INSYN2B: variants seen among roughly 807,000 people sequenced by gnomAD.
INSYN2B encodes the protein inhibitory synaptic factor family member 2B.
Under a neutral mutation model 41.2 loss-of-function variants are expected in INSYN2B, and 16 were observed. The observed-to-expected ratio is 0.39, with a 90% CI of 0.26 to 0.59. The LOEUF (loss-of-function observed/expected upper bound fraction) is 0.59. INSYN2B is among the 20% of genes least tolerant of loss of function. The pLI is 0.57. For missense variants in INSYN2B, 608 were observed against 646.4 expected, an observed-to-expected ratio of 0.94 and a Z score of 0.64; for synonymous variants, 245 against 244.4, an observed-to-expected ratio of 1.00 and a Z score of -0.02.
intron 1 of INSYN2B, among the ~76,000 whole-genome samples, chr5:169,910,413 C>T (rs1419981481): frequency 6.6e-6 from 1 of 152,174 alleles, no homozygotes; most frequent in African/African-American, 2.4e-5. Context: ...CCCCTCAGTG[C>T]TGATTTATTG....
At chr5:169,931,242 A>C (rs1369478649) in intron 1 of INSYN2B, among the ~76,000 whole-genome samples, 2 of 152,236 alleles carry the variant, frequency 1.3e-5, no homozygotes, top group African/African-American at 4.8e-5. Context: ...CCCAAAGACG[A>C]CCAGGAGAGT....
At chr5:169,869,671 A>T (rs990181096) in intron 3 of INSYN2B, among the ~76,000 whole-genome samples, 4 of 152,212 alleles carry the variant, frequency 2.6e-5, no homozygotes, top group African/African-American at 9.7e-5. Flanking sequence ...CATGCTTAGC[A>T]ACCCCTTGCA....
In INSYN2B at chr5:169,965,655, G is replaced by A. The variant is rs1362732335; in HGVS notation, c.-919+14622C>T. ...TGTGCAGCAGAGTTTAGGAACCATG[G>A]CCTCAGAGTCCAACCTCATCCAAGG... On this transcript the variant is annotated intron_variant, in intron 1 of 3. Coordinates refer to ENST00000377365, the MANE Select transcript of INSYN2B (RefSeq NM_001129891.3). 3.9e-5 allele frequency among the ~76,000 whole-genome samples: 6 copies of A among 152,160 alleles called. No individual in the cohort carries two copies. In the East Asian group the frequency reaches 5.8e-4, roughly 15 times the overall value.
chr5:169,933,105 T>TC (rs1443583173), intron 1 of INSYN2B, among the ~76,000 whole-genome samples: 2 of 152,296 alleles, frequency 1.3e-5, no homozygotes, highest in East Asian at 3.9e-4. Flanking sequence ...ATGCCCTTAC[T>TC]CCCGACCCTC....
chr5:169,888,146 A>C (rs1236784224), intron 1 of INSYN2B, among the ~76,000 whole-genome samples: 1 of 152,184 alleles, frequency 6.6e-6, no homozygotes, highest in East Asian at 1.9e-4. Context: ...TTCTCTTGAC[A>C]AAAATATTTT....
chr5:169,882,537 A>C lies in INSYN2B; in HGVS notation c.1346+16T>G. 1 of 1,519,744 alleles carries C rather than the reference A, an allele frequency of 6.6e-7. No individual in the cohort carries two copies. Among genetic ancestry groups the C allele is most frequent in the Non-Finnish European group, 8.9e-7 (1 of 1,128,194 alleles). 94.1% of individuals were successfully genotyped at this position (1,519,744 alleles called of 1,614,324 possible). On this transcript the variant is annotated intron_variant, in intron 2 of 3. Coordinates refer to ENST00000377365, the MANE Select transcript of INSYN2B (RefSeq NM_001129891.3). ...TTCACCCAGTCATTTTTAATATGAA[A>C]AAAAAATCTCCTTACCCTTCAGTGA...
In INSYN2B at chr5:169,883,832, ACT is replaced by A. The variant is rs1214543548; in HGVS notation, c.65_66del (p.Glu22ValfsTer24). On this transcript the variant is annotated frameshift_variant, in exon 2 of 4. Transcript: ENST00000377365. LOFTEE classifies it high-confidence loss of function. ...LLKRNSLESV[E>X]FVKQPHHRRS... is the part of the protein sequence containing the mutation. Reference sequence around the variant, plus strand: ...CTGCGGTGGTGAGGTTGTTTCACAAACTCCACTGATTCTAGACTGTTACGCTT... The same window carrying A: ...CTGCGGTGGTGAGGTTGTTTCACAAACCACTGATTCTAGACTGTTACGCTT... 6.5e-7 allele frequency: 1 copy of A among 1,547,254 alleles called. No homozygotes were observed.
chr5:169,908,289 G>A (rs915100944), intron 1 of INSYN2B, among the ~76,000 whole-genome samples: 1 of 151,968 alleles, frequency 6.6e-6, no homozygotes, highest in African/African-American at 2.4e-5. Flanking sequence ...TTGAACAGCT[G>A]AGGCAAATCA....
chr5:169,964,451 G>A (rs1003995859), intron 1 of INSYN2B, among the ~76,000 whole-genome samples: 1 of 152,262 alleles, frequency 6.6e-6, no homozygotes, highest in East Asian at 1.9e-4. Context: ...CTGGGAGGGG[G>A]CAGCTAGACG....
chr5:169,919,524 T>C (rs749580888), intron 1 of INSYN2B, among the ~76,000 whole-genome samples: 12 of 152,230 alleles, frequency 7.9e-5, no homozygotes, highest in Non-Finnish European at 1.8e-4. Flanking sequence ...TGGTTTTGTT[T>C]TGACCTTAAT....
intron 1 of INSYN2B, among the ~76,000 whole-genome samples, chr5:169,979,767 G>A (rs957843948): frequency 1.3e-5 from 2 of 152,212 alleles, no homozygotes; most frequent in Non-Finnish European, 2.9e-5. Context: ...ACGTGGTAGT[G>A]AGAACTAAGA....
intron 1 of INSYN2B, among the ~76,000 whole-genome samples, chr5:169,935,376 G>A (rs1280595465): frequency 3.3e-5 from 5 of 151,780 alleles, no homozygotes; most frequent in African/African-American, 9.7e-5. Context: ...TGGAACCATC[G>A]CAGAGGCCTA....
intron 1 of INSYN2B, among the ~76,000 whole-genome samples, chr5:169,908,062 T>A (rs1245958748): frequency 6.6e-6 from 1 of 152,180 alleles, no homozygotes; most frequent in Non-Finnish European, 1.5e-5. Context: ...GATCAAGCCA[T>A]CCCCAGGAAA....
intron 1 of INSYN2B, among the ~76,000 whole-genome samples, chr5:169,969,776 G>A (rs1483511873): frequency 6.6e-6 from 1 of 152,216 alleles, no homozygotes; most frequent in Non-Finnish European, 1.5e-5. Flanking sequence ...AGACCAAGAT[G>A]AGTTGGTTAC....
rs557637832 is a variant in INSYN2B, at chr5:169,931,846, T to C, written c.-918-47030A>G. On this transcript the variant is annotated intron_variant, in intron 1 of 3. Transcript: ENST00000377365. ...ATCCTTCCTCCAGGGATCATAGCCTTCTGAACTGCTTCCCTCCTGCCTGCC... is the reference window on the plus strand; with the variant it reads ...ATCCTTCCTCCAGGGATCATAGCCTCCTGAACTGCTTCCCTCCTGCCTGCC... Among the ~76,000 whole-genome samples, 8 of 152,328 alleles carry C rather than the reference T, an allele frequency of 5.3e-5. No homozygotes were observed. The East Asian group carries it at 1.5e-3, about 29-fold the overall frequency.
At chr5:169,895,241 A>T (rs1172284305) in intron 1 of INSYN2B, among the ~76,000 whole-genome samples, 1 of 152,138 alleles carries the variant, frequency 6.6e-6, no homozygotes, top group East Asian at 1.9e-4. Flanking sequence ...TAAAAGCTCA[A>T]GTTTAAATGT....
chr5:169,945,568 G>A (rs996948472), intron 1 of INSYN2B, among the ~76,000 whole-genome samples: 1 of 152,206 alleles, frequency 6.6e-6, no homozygotes, highest in African/African-American at 2.4e-5. Context: ...TCATTTCGAA[G>A]GTGAGAAAAT....
At chr5:169,925,425 C>CA (rs1283821718) in intron 1 of INSYN2B, among the ~76,000 whole-genome samples, 6 of 151,886 alleles carry the variant, frequency 4.0e-5, no homozygotes, top group Non-Finnish European at 7.4e-5. Flanking sequence ...ACTAAAATTA[C>CA]AAAAATTAAC....
intron 1 of INSYN2B, among the ~76,000 whole-genome samples, chr5:169,967,550 A>G (rs780970402): frequency 6.6e-6 from 1 of 152,232 alleles, no homozygotes; most frequent in African/African-American, 2.4e-5. Context: ...GGACCAGGTC[A>G]TGCAGGGAAC....
Sources: allele counts gnomAD v4.1 joint callset (sites outside exome capture counted in the v4.1 genomes callset), GRCh38; gene constraint gnomAD v4.1.1; transcripts MANE v1.5; gene names NCBI Gene and HGNC (gene_info 2026-07-23, HGNC 2026-07-21).